The following ZNF804A variants were observed in gnomAD, a reference collection of about 807,000 sequenced individuals.
ZNF804A encodes zinc finger protein 804A.
A neutral mutation model predicts 16.5 loss-of-function variants in ZNF804A; 2 were observed. That is an observed-to-expected ratio of 0.12 (90% CI 0.05 to 0.38). The LOEUF (loss-of-function observed/expected upper bound fraction) is 0.38, where lower values mean the gene tolerates loss of function less well. Among genes scored for constraint, ZNF804A ranks in the 10% least tolerant of loss-of-function variants. The probability of loss-of-function intolerance (pLI) is 0.99; values close to 1 mark genes in which losing one functional copy is unlikely to be tolerated. For missense variants in ZNF804A, 1,473 were observed against 1,390.7 expected, an observed-to-expected ratio of 1.06 and a Z score of -0.94; for synonymous variants, 534 against 489.6, an observed-to-expected ratio of 1.09 and a Z score of -1.20.
chr2:184,882,015 G>A (rs1684816497), intron 2 of ZNF804A, among the ~76,000 whole-genome samples: 1 of 151,984 alleles, frequency 6.6e-6, no homozygotes, highest in Non-Finnish European at 1.5e-5. Context: ...TAAAAAGCAA[G>A]ACCCAGTGGT....
intron 1 of ZNF804A, among the ~76,000 whole-genome samples, chr2:184,862,973 T>C (rs1695821965): frequency 6.6e-6 from 1 of 152,132 alleles, no homozygotes; most frequent in Admixed American, 6.5e-5. Flanking sequence ...GTCATCCTGA[T>C]TTAGAGAGAT....
At chr2:184,744,572 G>C (rs1440713854) in intron 1 of ZNF804A, among the ~76,000 whole-genome samples, 1 of 151,784 alleles carries the variant, frequency 6.6e-6, no homozygotes, top group Non-Finnish European at 1.5e-5. Context: ...TTGCAACCTT[G>C]ATCTTGATCT....
At chr2:184,723,748 C>T (rs1328955127) in intron 1 of ZNF804A, among the ~76,000 whole-genome samples, 1 of 151,596 alleles carries the variant, frequency 6.6e-6, no homozygotes, top group Non-Finnish European at 1.5e-5. Flanking sequence ...ATTTTCCATA[C>T]AAGATTGTGT....
At chr2:184,868,366 T>A (rs1695913295) in intron 2 of ZNF804A, among the ~76,000 whole-genome samples, 1 of 152,072 alleles carries the variant, frequency 6.6e-6, no homozygotes, top group Admixed American at 6.6e-5. Flanking sequence ...AATAACGTCA[T>A]CGCTATGACC....
chr2:184,923,001 T>C (rs567083694), intron 2 of ZNF804A, among the ~76,000 whole-genome samples: 1 of 152,062 alleles, frequency 6.6e-6, no homozygotes, highest in Non-Finnish European at 1.5e-5. Context: ...ATTCCTCCAG[T>C]TTTGTTCCTT....
intron 1 of ZNF804A, among the ~76,000 whole-genome samples, chr2:184,643,264 GTTC>G (rs1691820807): frequency 6.6e-6 from 1 of 151,852 alleles, no homozygotes; most frequent in Admixed American, 6.6e-5. Context: ...ATAGTGAAAG[GTTC>G]TTATTTTTGT....
intron 2 of ZNF804A, among the ~76,000 whole-genome samples, chr2:184,872,798 G>T (rs1209543679): frequency 1.3e-5 from 2 of 152,084 alleles, no homozygotes; most frequent in South Asian, 2.1e-4. Context: ...CGGTCCTGAA[G>T]AAATAACTAA....
intron 1 of ZNF804A, among the ~76,000 whole-genome samples, chr2:184,772,672 T>C (rs1040291762): frequency 2.0e-5 from 3 of 151,766 alleles, no homozygotes; most frequent in African/African-American, 7.3e-5. Flanking sequence ...GACAACTATA[T>C]TTAAACTCCC....
intron 1 of ZNF804A, among the ~76,000 whole-genome samples, chr2:184,813,910 G>GC (rs1306221431): frequency 6.0e-5 from 9 of 149,380 alleles, no homozygotes; most frequent in Admixed American, 2.0e-4. Flanking sequence ...CCTTCTGGAT[G>GC]CCTTCAGTAC....
At chr2:184,933,073 C>T (rs1685728043) in intron 2 of ZNF804A, among the ~76,000 whole-genome samples, 1 of 151,918 alleles carries the variant, frequency 6.6e-6, no homozygotes, top group South Asian at 2.1e-4. Flanking sequence ...AAAAGGGCTG[C>T]TCTGCCTATG....
chr2:184,666,715 G>T (rs1692261272), intron 1 of ZNF804A, among the ~76,000 whole-genome samples: 1 of 151,928 alleles, frequency 6.6e-6, no homozygotes, highest in Admixed American at 6.6e-5. Context: ...AGGCAAGGGA[G>T]GCAAATTAAC....
At chr2:184,607,333 G>A (rs1222185454) in intron 1 of ZNF804A, among the ~76,000 whole-genome samples, 1 of 152,106 alleles carries the variant, frequency 6.6e-6, no homozygotes, top group African/African-American at 2.4e-5. Context: ...AAAGGAAAAA[G>A]GTTTAATTGA....
chr2:184,830,779 G>A (rs551120812), intron 1 of ZNF804A, among the ~76,000 whole-genome samples: 3 of 151,988 alleles, frequency 2.0e-5, no homozygotes, highest in African/African-American at 7.2e-5. Context: ...GAATGGAATT[G>A]GTTCTCTGAA....
chr2:184,810,291 G>A (rs1442199676), intron 1 of ZNF804A, among the ~76,000 whole-genome samples: 1 of 151,942 alleles, frequency 6.6e-6, no homozygotes, highest in African/African-American at 2.4e-5. Flanking sequence ...GATCATATCC[G>A]GTTGTAAGAA....
chr2:184,626,124 T>TC (rs749041646), intron 1 of ZNF804A, among the ~76,000 whole-genome samples: 28 of 152,184 alleles, frequency 1.8e-4, no homozygotes, highest in Non-Finnish European at 1.9e-4. Context: ...CACCTCGGCC[T>TC]CCCAAAGTGC....
intron 1 of ZNF804A, among the ~76,000 whole-genome samples, chr2:184,682,289 T>G (rs2105719749): frequency 6.6e-6 from 1 of 152,310 alleles, no homozygotes; most frequent in East Asian, 1.9e-4. Flanking sequence ...TTCCAGCTGG[T>G]GAAGTGACAT....
intron 1 of ZNF804A, among the ~76,000 whole-genome samples, chr2:184,782,901 A>G (rs912672390): frequency 6.6e-6 from 1 of 150,548 alleles, no homozygotes; most frequent in African/African-American, 2.4e-5. Flanking sequence ...TGGCTCTAAG[A>G]TAACTATTCC....
At chr2:184,926,958 C>A (rs1559005129) in intron 2 of ZNF804A, among the ~76,000 whole-genome samples, 1 of 152,174 alleles carries the variant, frequency 6.6e-6, no homozygotes. Context: ...ATTTTGAATT[C>A]TCTGTCTGAA....
chr2:184,926,921 A>G (rs1401714677), intron 2 of ZNF804A, among the ~76,000 whole-genome samples: 1 of 152,080 alleles, frequency 6.6e-6, no homozygotes, highest in East Asian at 1.9e-4. Flanking sequence ...CTTATCATCA[A>G]TATTTTTGAG....
Sources: gnomAD v4.1 joint callset for allele counts (sites outside exome capture counted in the v4.1 genomes callset) on GRCh38, gnomAD v4.1.1 for gene constraint, MANE v1.5 for transcripts, NCBI Gene and HGNC (gene_info 2026-07-23, HGNC 2026-07-21) for gene names.